Variants in DLG2 observed in about 807,000 individuals in gnomAD.
DLG2 encodes disks large homolog 2.
A neutral mutation model predicts 132.5 loss-of-function variants in DLG2; 45 were observed. The ratio of observed to expected loss-of-function variants is 0.34; its 90% CI spans 0.27 to 0.44. The LOEUF is 0.44. DLG2 is among the 20% of genes least tolerant of loss of function. DLG2 has a pLI of 1.00. For missense variants in DLG2, 1,045 were observed against 1,196.9 expected (o/e 0.87, Z 1.87); for synonymous variants, 424 against 419.6 (o/e 1.01, Z -0.13).
At chr11:85,015,052 T>A (rs1308938227) in intron 6 of DLG2, among the ~76,000 whole-genome samples, 2 of 152,194 alleles carry the variant, frequency 1.3e-5, no homozygotes, top group African/African-American at 2.4e-5. Context: ...TGACTCAGAA[T>A]AATGGTGTCT....
chr11:84,410,901 C>T (rs4944490), intron 7 of DLG2, among the ~76,000 whole-genome samples: 4,857 of 152,134 alleles, frequency 0.032, 137 homozygotes, highest in South Asian at 0.16. Context: ...TTTTTAAGAG[C>T]TTATGGATCT....
chr11:85,349,295 A>G (rs2083096857), intron 3 of DLG2, among the ~76,000 whole-genome samples: 1 of 152,168 alleles, frequency 6.6e-6, no homozygotes, highest in African/African-American at 2.4e-5. Context: ...CATGACAGAC[A>G]GCAGACTCTG....
In DLG2 at chr11:84,049,325, GT is replaced by G. The variant is rs1285240722; in HGVS notation, c.919+9989del. 2.0e-5 allele frequency among the ~76,000 whole-genome samples: 3 copies of G among 151,874 alleles called. No homozygotes were observed. The East Asian group carries it at 5.8e-4, about 30-fold the overall frequency. On this transcript the variant is annotated intron_variant, in intron 11 of 27. Transcript: ENST00000376104. ...AGTAAAAATCAAATATCTAGAAATT[GT>G]TTTTTGATTAAGTGGACTGGTAAGC... is the stretch of plus-strand genomic sequence containing the variant.
intron 6 of DLG2, among the ~76,000 whole-genome samples, chr11:84,814,645 T>C (rs1013845993): frequency 6.6e-6 from 1 of 152,100 alleles, no homozygotes; most frequent in South Asian, 2.1e-4. Flanking sequence ...AATAGATGTT[T>C]ATGTTTGTTC....
At chr11:83,869,259 C>G (rs1409949976) in intron 16 of DLG2, among the ~76,000 whole-genome samples, 1 of 152,008 alleles carries the variant, frequency 6.6e-6, no homozygotes, top group Non-Finnish European at 1.5e-5. Context: ...AAAGACGAGT[C>G]TTTTAGGTCA....
At chr11:83,847,902 T>G (rs1241966270) in intron 16 of DLG2, among the ~76,000 whole-genome samples, 1 of 152,210 alleles carries the variant, frequency 6.6e-6, no homozygotes, top group Non-Finnish European at 1.5e-5. Context: ...TGTATTTCCG[T>G]AATTGAAATT....
chr11:84,153,547 T>C (rs893005067), intron 9 of DLG2, among the ~76,000 whole-genome samples: 21 of 152,172 alleles, frequency 1.4e-4, no homozygotes, highest in African/African-American at 4.6e-4. Flanking sequence ...TAAAAAAAAA[T>C]ATTTTTTCTT....
intron 19 of DLG2, among the ~76,000 whole-genome samples, chr11:83,597,356 A>G (rs1594158852): frequency 6.6e-6 from 1 of 152,232 alleles, no homozygotes; most frequent in East Asian, 1.9e-4. Flanking sequence ...AATAAAAAGA[A>G]TGAGATAAAA....
At chr11:85,297,784 G>T (rs1402504364) in intron 3 of DLG2, among the ~76,000 whole-genome samples, 1 of 152,124 alleles carries the variant, frequency 6.6e-6, no homozygotes. Context: ...GCCTAATCAA[G>T]ATGAGAAGGG....
At chr11:85,207,827 C>T (rs924202852) in intron 4 of DLG2, among the ~76,000 whole-genome samples, 1 of 151,834 alleles carries the variant, frequency 6.6e-6, no homozygotes. Flanking sequence ...ATCTCTCCAG[C>T]CTCCTTTTTA....
intron 6 of DLG2, among the ~76,000 whole-genome samples, chr11:84,850,401 T>C (rs771322402): frequency 6.0e-4 from 91 of 152,232 alleles, no homozygotes; most frequent in Non-Finnish European, 8.8e-4. Flanking sequence ...AGGACTGTGA[T>C]CTGAGCAATA....
intron 6 of DLG2, among the ~76,000 whole-genome samples, chr11:84,908,073 T>G (rs1483235742): frequency 6.6e-6 from 1 of 151,962 alleles, no homozygotes; most frequent in East Asian, 1.9e-4. Context: ...GTCAAGGGCC[T>G]CTCCATCCAT....
At chr11:84,119,320 T>A (rs142510536) in intron 9 of DLG2, among the ~76,000 whole-genome samples, 2 of 152,024 alleles carry the variant, frequency 1.3e-5, no homozygotes, top group African/African-American at 2.4e-5. Context: ...TGAGGACATA[T>A]TGCTCTCATC....
chr11:84,093,051 G>T (rs1036605642), intron 10 of DLG2, among the ~76,000 whole-genome samples: 1 of 145,044 alleles, frequency 6.9e-6, no homozygotes, highest in African/African-American at 2.6e-5. Flanking sequence ...AAAAAAAAAA[G>T]AAAGAAAGAA....
At chr11:84,937,044 C>G (rs1251775735) in intron 6 of DLG2, among the ~76,000 whole-genome samples, 1 of 152,000 alleles carries the variant, frequency 6.6e-6, no homozygotes, top group Non-Finnish European at 1.5e-5. Flanking sequence ...CCCAGCTATT[C>G]AGGAGGCTAA....
chr11:84,921,591 G>GACTT (rs1341110831), intron 6 of DLG2, among the ~76,000 whole-genome samples: 3 of 152,122 alleles, frequency 2.0e-5, no homozygotes, highest in Non-Finnish European at 4.4e-5. Context: ...AGGAACTTTG[G>GACTT]ACTTAAGTTT....
intron 4 of DLG2, among the ~76,000 whole-genome samples, chr11:85,276,307 G>A (rs566169370): frequency 5.1e-4 from 77 of 152,202 alleles, no homozygotes; most frequent in African/African-American, 1.8e-3. Context: ...AATAAGAAAT[G>A]GGATTACAGA....
chr11:84,502,337 T>C (rs376770419), intron 7 of DLG2, among the ~76,000 whole-genome samples: 2 of 30,890 alleles, frequency 6.5e-5, no homozygotes, highest in Non-Finnish European at 5.7e-5. Context: ...TTTCTTTCTT[T>C]CTTTCTTTCT....
chr11:84,836,546 C>T (rs988046450), intron 6 of DLG2, among the ~76,000 whole-genome samples: 9 of 151,764 alleles, frequency 5.9e-5, no homozygotes, highest in African/African-American at 2.2e-4. Flanking sequence ...CATTCCTTAT[C>T]ATTATTTTCT....
Sources: gnomAD v4.1 joint callset for allele counts (sites outside exome capture counted in the v4.1 genomes callset) on GRCh38, gnomAD v4.1.1 for gene constraint, MANE v1.5 for transcripts, NCBI Gene and HGNC (gene_info 2026-07-23, HGNC 2026-07-21) for gene names.